CUX2: variants seen among roughly 807,000 people sequenced by gnomAD.
CUX2 encodes the protein homeobox protein cut-like 2.
In CUX2, 40 loss-of-function variants were observed where a neutral mutation model predicts 144.8. The observed-to-expected ratio is 0.28, with a 90% CI of 0.21 to 0.36. The LOEUF is 0.36. Among genes scored for constraint, CUX2 ranks in the 10% least tolerant of loss-of-function variants. The pLI, the probability that CUX2 is intolerant of heterozygous loss-of-function variation, is 1.00. For synonymous variants in CUX2, 827 were observed against 875.6 expected (o/e 0.94, Z 0.98); for missense variants, 1,615 against 1,994.0 (o/e 0.81, Z 3.62).
chr12:111,265,784 C>G (rs1884358291), intron 4 of CUX2, among the ~76,000 whole-genome samples: 1 of 152,156 alleles, frequency 6.6e-6, no homozygotes, highest in Non-Finnish European at 1.5e-5. Context: ...CTCTCCCCAC[C>G]CAGACCTCTC....
At chr12:111,130,502 ATT>A (rs1875399828) in intron 1 of CUX2, among the ~76,000 whole-genome samples, 1 of 152,192 alleles carries the variant, frequency 6.6e-6, no homozygotes, top group Admixed American at 6.5e-5. Flanking sequence ...TACCCTTTGT[ATT>A]TAGGTTTCCA....
chr12:111,166,957 C>T (rs932874145), intron 1 of CUX2, among the ~76,000 whole-genome samples: 3 of 152,096 alleles, frequency 2.0e-5, no homozygotes, highest in Non-Finnish European at 2.9e-5. Context: ...CGTTTGGAGG[C>T]GGTGGGAATT....
chr12:111,289,136 A>G lies in CUX2; in HGVS notation c.302-2282A>G, dbSNP rs575107221. ...AGATTCTGTCTCAAAAAAAGAAAAA[A>G]GGAAAAAAGAAAATTCTGGGGGAGA... is the stretch of plus-strand genomic sequence containing the variant. On this transcript the variant is annotated intron_variant, in intron 4 of 21. Transcript: ENST00000261726. This position sits in a 1 kb window ranked among gnomAD's most constrained non-coding sequence, Gnocchi z 4.1. 2.6e-5 allele frequency among the ~76,000 whole-genome samples: 4 copies of G among 152,194 alleles called. No homozygotes were observed. The highest frequency in any genetic ancestry group is 5.9e-5 in the Non-Finnish European group (4 of 68,010).
At chr12:111,159,870 C>A (rs768764635) in intron 1 of CUX2, among the ~76,000 whole-genome samples, 10 of 152,134 alleles carry the variant, frequency 6.6e-5, no homozygotes, top group Non-Finnish European at 1.0e-4. Context: ...ACTAAAAATA[C>A]AAAAATTAGC....
At chr12:111,116,076 T>G (rs78286750) in intron 1 of CUX2, among the ~76,000 whole-genome samples, 1,864 of 152,352 alleles carry the variant, frequency 0.012, 13 homozygotes, top group Admixed American at 0.023. Context: ...TAAGGCTTAG[T>G]TCCTGCTGAT....
chr12:111,153,900 G>A (rs999404117), intron 1 of CUX2, among the ~76,000 whole-genome samples: 4 of 152,108 alleles, frequency 2.6e-5, no homozygotes, highest in Non-Finnish European at 1.5e-5. Context: ...GGTCGGCAGC[G>A]GCGGTTTCTT....
chr12:111,115,729 A>G (rs1874258637), intron 1 of CUX2, among the ~76,000 whole-genome samples: 1 of 152,098 alleles, frequency 6.6e-6, no homozygotes, highest in East Asian at 1.9e-4. Context: ...CTCCTGTTAT[A>G]CCCTCTGGTG....
At chr12:111,221,502 C>A (rs138987384) in intron 3 of CUX2, among the ~76,000 whole-genome samples, 334 of 152,260 alleles carry the variant, frequency 2.2e-3, no homozygotes, top group Non-Finnish European at 3.7e-3. Flanking sequence ...TATTAATCAC[C>A]TCCTGGAAAT....
intron 1 of CUX2, among the ~76,000 whole-genome samples, chr12:111,149,993 A>G (rs1036549374): frequency 2.6e-5 from 4 of 152,208 alleles, no homozygotes; most frequent in Admixed American, 6.5e-5. Flanking sequence ...GGACATCCGG[A>G]CAGTGACTTT....
intron 1 of CUX2, among the ~76,000 whole-genome samples, chr12:111,188,729 G>C (rs1019871074): frequency 6.6e-6 from 1 of 152,164 alleles, no homozygotes; most frequent in Non-Finnish European, 1.5e-5. Context: ...AGCCTCAGGA[G>C]CAATGGGAAG....
chr12:111,207,952 A>G (rs1346531399), intron 1 of CUX2, among the ~76,000 whole-genome samples: 1 of 152,108 alleles, frequency 6.6e-6, no homozygotes, highest in African/African-American at 2.4e-5. Flanking sequence ...GCTGAGGGAA[A>G]GGAGACTGTG....
rs372656062 is a variant in CUX2 at position 111,190,511 on chromosome 12, CA to C, written c.64-23688del. Among the ~76,000 whole-genome samples the C allele has an allele frequency of 3.3e-5, 5 of 152,298 alleles. 1 individual carries two copies. Among genetic ancestry groups the C allele is most frequent in the African/African-American group, 1.2e-4 (5 of 41,568 alleles). On this transcript the variant is annotated intron_variant, in intron 1 of 21. Coordinates refer to ENST00000261726, the MANE Select transcript of CUX2 (RefSeq NM_015267.4). This position sits in a 1 kb window ranked among gnomAD's most constrained non-coding sequence, Gnocchi z 4.0. ...GCCCCACTATCTAAGCTGCTCAAGC[CA>C]GGGTGTCCACTTAACCATGGTCTTC...
At chr12:111,281,198 G>A (rs191035114) in intron 4 of CUX2, among the ~76,000 whole-genome samples, 4 of 152,036 alleles carry the variant, frequency 2.6e-5, no homozygotes, top group South Asian at 2.1e-4. Context: ...TGGCATCTAC[G>A]TGCCACCTGT....
intron 1 of CUX2, among the ~76,000 whole-genome samples, chr12:111,042,217 A>G (rs1869781396): frequency 6.6e-6 from 1 of 152,084 alleles, no homozygotes; most frequent in African/African-American, 2.4e-5. Flanking sequence ...CTCCCGGGGA[A>G]CCATTATGGT....
intron 19 of CUX2, 122 bp from the exon 20 acceptor site, chr12:111,338,164 G>A (rs939869328): frequency 2.9e-5 from 30 of 1,033,766 alleles, no homozygotes; most frequent in Non-Finnish European, 3.5e-5. Context: ...CCCTCCCTTC[G>A]GAGTCAGTGG....
chr12:111,200,603 G>T (rs1225913702), intron 1 of CUX2, among the ~76,000 whole-genome samples: 3 of 152,002 alleles, frequency 2.0e-5, no homozygotes, highest in Admixed American at 2.0e-4. Context: ...ACCCTACCTG[G>T]CCAGCCCCCA....
At chr12:111,259,031 C>CTGTGTGTGTG (rs57814010) in intron 3 of CUX2, among the ~76,000 whole-genome samples, 4,383 of 131,982 alleles carry the variant, frequency 0.033, 42 homozygotes, top group Middle Eastern at 0.046. Flanking sequence ...CCACACCCAG[C>CTGTGTGTGTG]TGTGTGTGTG....
chr12:111,274,850 G>A (rs747755688), intron 4 of CUX2, among the ~76,000 whole-genome samples: 1 of 151,922 alleles, frequency 6.6e-6, no homozygotes, highest in African/African-American at 2.4e-5. Flanking sequence ...CAGCCTTTCC[G>A]GCTCTGTGTT....
At position 111,323,776 on chromosome 12, in the gene CUX2, G is replaced by T. The variant is rs867133225; in HGVS notation, c.2926+1196G>T. Among the ~76,000 whole-genome samples, 6 of 152,206 alleles carry T rather than the reference G, an allele frequency of 3.9e-5. No homozygotes were observed. The South Asian group carries it at 1.2e-3, about 32-fold the overall frequency. On this transcript the variant is annotated intron_variant, in intron 18 of 21. Transcript: ENST00000261726. ...AAGACCTTGTCTCAGAAAAAAGGAG[G>T]CCGAGCACAGTGGCTCACGCCTGTA...
Sources: gnomAD v4.1 joint callset for allele counts (sites outside exome capture counted in the v4.1 genomes callset) on GRCh38, gnomAD v4.1.1 for gene constraint, Gnocchi (gnomAD v3.1) non-coding constraint, MANE v1.5 for transcripts, NCBI Gene and HGNC (gene_info 2026-07-23, HGNC 2026-07-21) for gene names.